PSPC1: variants seen among roughly 807,000 people sequenced by gnomAD.
The protein encoded by PSPC1 is paraspeckle component 1.
Under a neutral mutation model 51.6 loss-of-function variants are expected in PSPC1, and 14 were observed. The ratio of observed to expected loss-of-function variants is 0.27; its 90% CI spans 0.18 to 0.42. The LOEUF (loss-of-function observed/expected upper bound fraction) is 0.42, where lower values mean the gene tolerates loss of function less well. PSPC1 is among the 10% of genes least tolerant of loss of function. The pLI is 1.00. For missense variants in PSPC1, 406 were observed against 701.1 expected, an observed-to-expected ratio of 0.58 and a Z score of 4.75; for synonymous variants, 193 against 231.9, an observed-to-expected ratio of 0.83 and a Z score of 1.53.
At chr13:19,726,339 C>G (rs1565997284) in intron 6 of PSPC1, among the ~76,000 whole-genome samples, 1 of 152,170 alleles carries the variant, frequency 6.6e-6, no homozygotes, top group Non-Finnish European at 1.5e-5. Flanking sequence ...AAGAAATAAG[C>G]AAGGTGTAGA....
chr13:19,736,175 C>G (rs942515791), intron 5 of PSPC1, among the ~76,000 whole-genome samples: 1 of 151,944 alleles, frequency 6.6e-6, no homozygotes, highest in Non-Finnish European at 1.5e-5. Context: ...AAGATTCTTA[C>G]AGCTAATTTC....
At chr13:19,781,458 T>C (rs974364969) in intron 1 of PSPC1, among the ~76,000 whole-genome samples, 16 of 152,188 alleles carry the variant, frequency 1.1e-4, no homozygotes, top group Admixed American at 5.2e-4. Context: ...GAGTAAGCTA[T>C]ATTACTCTGA....
intron 1 of PSPC1, among the ~76,000 whole-genome samples, chr13:19,780,171 G>C (rs1180768605): frequency 1.2e-5 from 1 of 82,078 alleles, no homozygotes. Context: ...CAGCCGCCCC[G>C]TCCGGGAGGG....
intron 6 of PSPC1, among the ~76,000 whole-genome samples, chr13:19,697,269 A>T (rs929854369): frequency 9.2e-5 from 14 of 152,168 alleles, no homozygotes; most frequent in African/African-American, 3.4e-4. Context: ...AAGTCCAGAG[A>T]TCTGTGTTTT....
At chr13:19,764,426 A>T (rs1887867159) in intron 2 of PSPC1, among the ~76,000 whole-genome samples, 1 of 152,148 alleles carries the variant, frequency 6.6e-6, no homozygotes, top group Admixed American at 6.6e-5. Flanking sequence ...GTAATTATAT[A>T]TAACATCAAC....
At chr13:19,683,681 G>A (rs1046192461) in intron 6 of PSPC1, among the ~76,000 whole-genome samples, 1 of 152,068 alleles carries the variant, frequency 6.6e-6, no homozygotes, top group Admixed American at 6.6e-5. Flanking sequence ...GCAACTCAAC[G>A]TTGAGAAATA....
intron 4 of PSPC1, among the ~76,000 whole-genome samples, chr13:19,746,623 C>G (rs1886015723): frequency 6.6e-6 from 1 of 151,408 alleles, no homozygotes; most frequent in South Asian, 2.1e-4. Flanking sequence ...ATCACTTGAA[C>G]CCGGGAACCG....
At chr13:19,755,273 A>G (rs1886958803) in intron 3 of PSPC1, among the ~76,000 whole-genome samples, 1 of 151,966 alleles carries the variant, frequency 6.6e-6, no homozygotes, top group Non-Finnish European at 1.5e-5. Context: ...AAAGAGAAAT[A>G]GCATTGCAAA....
At chr13:19,743,484 A>T (rs981151419) in intron 4 of PSPC1, among the ~76,000 whole-genome samples, 1 of 20,334 alleles carries the variant, frequency 4.9e-5, no homozygotes, top group African/African-American at 6.7e-5. Flanking sequence ...AAATTATGCA[A>T]AAAAAAAGGA....
At chr13:19,684,540 C>A (rs921440725) in intron 6 of PSPC1, among the ~76,000 whole-genome samples, 1 of 152,146 alleles carries the variant, frequency 6.6e-6, no homozygotes, top group African/African-American at 2.4e-5. Context: ...CACGTAAAAC[C>A]ATTTAAAAAA....
chr13:19,768,974 C>CA (rs35394300), intron 2 of PSPC1, among the ~76,000 whole-genome samples: 17,171 of 123,840 alleles, frequency 0.14, 1,361 homozygotes, highest in Middle Eastern at 0.18. Context: ...ATCTCTACTG[C>CA]AAAAAAAAAA....
Position 19,741,661 on chromosome 13 carries a change from T to C in PSPC1, c.968-12A>G. The C allele has an allele frequency of 2.6e-6, 4 of 1,519,722 alleles. No homozygotes were observed. Among genetic ancestry groups the C allele is most frequent in the South Asian group, 1.2e-5 (1 of 83,556 alleles). The allele number at this position is 1,519,722 out of a possible 1,614,324, so 94.1% of individuals were successfully genotyped here. A position where few individuals can be genotyped will look rare whatever the true frequency, so the allele number is the denominator to read the frequency against. On this transcript the variant is annotated splice_polypyrimidine_tract_variant and intron_variant, in intron 4 of 8. Transcript: ENST00000338910. ...ACGCCTCATTAGATCTATAAAATAATGACTGCACATTAATATTTTTAGTTT... is the reference window on the plus strand; with the variant it reads ...ACGCCTCATTAGATCTATAAAATAACGACTGCACATTAATATTTTTAGTTT...
chr13:19,741,417 A>G (rs1261190900), intron 5 of PSPC1, 148 bp downstream of exon 5: 5 of 556,638 alleles, frequency 9.0e-6, no homozygotes, highest in Admixed American at 3.7e-5. Flanking sequence ...ATTATGCTAC[A>G]TTATGAAGTA....
intron 6 of PSPC1, among the ~76,000 whole-genome samples, chr13:19,721,150 T>C (rs1882722229): frequency 6.6e-6 from 1 of 152,194 alleles, no homozygotes; most frequent in Non-Finnish European, 1.5e-5. Context: ...GCCTAAAATA[T>C]AATTTACCGT....
chr13:19,775,208 C>A (rs1888996167), intron 1 of PSPC1, among the ~76,000 whole-genome samples: 1 of 151,830 alleles, frequency 6.6e-6, no homozygotes, highest in Non-Finnish European at 1.5e-5. Context: ...CAAAAATTAG[C>A]CAGGCATGTG....
At chr13:19,725,734 C>G (rs556448152) in intron 6 of PSPC1, among the ~76,000 whole-genome samples, 1 of 152,162 alleles carries the variant, frequency 6.6e-6, no homozygotes, top group Non-Finnish European at 1.5e-5. Flanking sequence ...GAACTATGCA[C>G]GCAAAATTAA....
intron 6 of PSPC1, among the ~76,000 whole-genome samples, chr13:19,715,909 G>C (rs967136790): frequency 1.3e-5 from 2 of 152,098 alleles, no homozygotes; most frequent in African/African-American, 4.8e-5. Flanking sequence ...AGCTACTCGG[G>C]AGGCTGAGGC....
intron 4 of PSPC1, among the ~76,000 whole-genome samples, chr13:19,750,696 T>A (rs1886456399): frequency 1.3e-5 from 2 of 152,116 alleles, no homozygotes; most frequent in African/African-American, 2.4e-5. Flanking sequence ...GCCAAGAGAA[T>A]CATGTATTTG....
At chr13:19,725,038 G>A (rs980822072) in intron 6 of PSPC1, among the ~76,000 whole-genome samples, 3 of 151,862 alleles carry the variant, frequency 2.0e-5, no homozygotes, top group Admixed American at 6.6e-5. Context: ...TTAGCCAATC[G>A]TGGTGGCGCG....
Sources: allele counts gnomAD v4.1 joint callset (sites outside exome capture counted in the v4.1 genomes callset), GRCh38; gene constraint gnomAD v4.1.1; transcripts MANE v1.5; gene names NCBI Gene and HGNC (gene_info 2026-07-23, HGNC 2026-07-21).